Variants in AATF observed in about 807,000 individuals in gnomAD.
The protein encoded by AATF is protein AATF.
Under a neutral mutation model 63.7 loss-of-function variants are expected in AATF, and 48 were observed. The observed-to-expected ratio is 0.75, with a 90% confidence interval of 0.60 to 0.96. AATF has a LOEUF of 0.96. Among genes scored for constraint, AATF ranks in the 40% least tolerant of loss-of-function variants. AATF has a pLI of 0.00. For synonymous variants in AATF, 258 were observed against 247.7 expected, an observed-to-expected ratio of 1.04 and a Z score of -0.39; for missense variants, 639 against 685.7, an observed-to-expected ratio of 0.93 and a Z score of 0.76.
chr17:36,969,934 T>C (rs1047819532), intron 4 of AATF, among the ~76,000 whole-genome samples: 2 of 152,240 alleles, frequency 1.3e-5, no homozygotes, highest in Admixed American at 6.5e-5. Flanking sequence ...TGGCTTTTGC[T>C]CAGCATAATT....
chr17:36,983,596 C>T (rs941741883), intron 4 of AATF, among the ~76,000 whole-genome samples: 15 of 151,630 alleles, frequency 9.9e-5, no homozygotes, highest in African/African-American at 1.2e-4. Context: ...AGTGATTTGC[C>T]GACCTCGTCC....
At chr17:37,048,039 C>G (rs1456906029) in intron 11 of AATF, among the ~76,000 whole-genome samples, 1 of 152,048 alleles carries the variant, frequency 6.6e-6, no homozygotes, top group Non-Finnish European at 1.5e-5. Flanking sequence ...CTTTCTTTCC[C>G]CTTTACCTCC....
chr17:36,992,485 A>G (rs2071223230), intron 8 of AATF, among the ~76,000 whole-genome samples: 1 of 152,190 alleles, frequency 6.6e-6, no homozygotes, highest in South Asian at 2.1e-4. Flanking sequence ...GACAATCAAA[A>G]ATGTTCCAGT....
At chr17:36,953,930 G>A in intron 4 of AATF, 23 bp downstream of exon 4, 2 of 1,608,988 alleles carry the variant, frequency 1.2e-6, no homozygotes, top group Admixed American at 1.7e-5. Flanking sequence ...ATGTCCTGTT[G>A]GAATACTTAG....
intron 11 of AATF, 89 bp downstream of exon 11, chr17:37,031,774 C>T: frequency 9.7e-7 from 1 of 1,033,270 alleles, no homozygotes. Context: ...TCCATTTCTT[C>T]TTATCAGTTA....
intron 4 of AATF, among the ~76,000 whole-genome samples, chr17:36,979,696 A>G (rs1056379526): frequency 6.6e-5 from 10 of 152,294 alleles, no homozygotes; most frequent in Non-Finnish European, 1.5e-4. Context: ...AGCTTTATTT[A>G]CTTTATACAC....
At chr17:36,983,532 G>A (rs1274005348) in intron 4 of AATF, among the ~76,000 whole-genome samples, 1 of 151,966 alleles carries the variant, frequency 6.6e-6, no homozygotes, top group Non-Finnish European at 1.5e-5. Context: ...TGTATTTTTA[G>A]TAGAGACAGG....
At chr17:37,039,604 C>G (rs923764434) in intron 11 of AATF, among the ~76,000 whole-genome samples, 1 of 152,182 alleles carries the variant, frequency 6.6e-6, no homozygotes. Context: ...TTTGACCCCC[C>G]AGCAGTGCTG....
intron 10 of AATF, among the ~76,000 whole-genome samples, chr17:37,025,980 A>C (rs1156271221): frequency 6.6e-6 from 1 of 152,204 alleles, no homozygotes; most frequent in Non-Finnish European, 1.5e-5. Context: ...CACCTTAACC[A>C]AGTGTTCAAG....
intron 8 of AATF, among the ~76,000 whole-genome samples, chr17:36,991,643 T>A (rs948888441): frequency 6.6e-6 from 1 of 151,346 alleles, no homozygotes; most frequent in Non-Finnish European, 1.5e-5. Flanking sequence ...TGGAGTGCAG[T>A]GGCGCAATCT....
intron 10 of AATF, among the ~76,000 whole-genome samples, chr17:37,023,593 CAG>C (rs1430456253): frequency 2.9e-5 from 4 of 135,972 alleles, no homozygotes; most frequent in African/African-American, 5.4e-5. Context: ...TCTTTTTAAA[CAG>C]AGTTTAAAAA....
intron 4 of AATF, among the ~76,000 whole-genome samples, chr17:36,957,709 C>T (rs1314526063): frequency 6.6e-6 from 1 of 152,148 alleles, no homozygotes; most frequent in Non-Finnish European, 1.5e-5. Flanking sequence ...TTCTCTGGTT[C>T]CTTTTGTATC....
At chr17:37,050,125 A>T (rs2071734901) in intron 11 of AATF, among the ~76,000 whole-genome samples, 1 of 152,036 alleles carries the variant, frequency 6.6e-6, no homozygotes, top group Non-Finnish European at 1.5e-5. Flanking sequence ...GTGCTGCCAC[A>T]GGGAATAGTA....
intron 8 of AATF, among the ~76,000 whole-genome samples, chr17:37,017,954 T>C (rs1270723107): frequency 6.6e-6 from 1 of 152,250 alleles, no homozygotes; most frequent in Non-Finnish European, 1.5e-5. Context: ...ATTGCCACCA[T>C]GCCTCACCTA....
Position 37,012,446 on chromosome 17 carries a change from A to C in AATF, c.1399-6559A>C, listed in dbSNP as rs570945518. ...AAAAATAGATACATTTTCACTAAGAAGTCTTGTGGGAGAGAGAGGGAATTC... is the reference window on the plus strand; with the variant it reads ...AAAAATAGATACATTTTCACTAAGACGTCTTGTGGGAGAGAGAGGGAATTC... On this transcript the variant is annotated intron_variant, in intron 8 of 11. Transcript: ENST00000619387. 3.3e-5 allele frequency among the ~76,000 whole-genome samples: 5 copies of C among 152,328 alleles called. No individual in the cohort carries two copies. The South Asian group carries it at 6.2e-4, about 19-fold the overall frequency.
chr17:37,028,288 C>G (rs2071525700), intron 10 of AATF, among the ~76,000 whole-genome samples: 7 of 151,906 alleles, frequency 4.6e-5, no homozygotes, highest in Admixed American at 4.6e-4. Flanking sequence ...CATGGTGGCG[C>G]ACACCTCTAG....
intron 10 of AATF, 126 bp downstream of exon 10, chr17:37,021,140 C>A: frequency 1.5e-6 from 1 of 686,288 alleles, no homozygotes; most frequent in Non-Finnish European, 2.3e-6. Flanking sequence ...GAAAAATAAA[C>A]AATATTTGAA....
At chr17:36,956,528 C>T (rs1052490637) in intron 4 of AATF, among the ~76,000 whole-genome samples, 3 of 151,950 alleles carry the variant, frequency 2.0e-5, no homozygotes, top group African/African-American at 7.3e-5. Flanking sequence ...CAAAAATTAG[C>T]CAAGTGTGGT....
intron 4 of AATF, among the ~76,000 whole-genome samples, chr17:36,970,728 G>C (rs2071032879): frequency 6.6e-6 from 1 of 151,706 alleles, no homozygotes; most frequent in African/African-American, 2.4e-5. Context: ...TTTTCTTAGA[G>C]ATGAGGTCTT....
Sources: allele counts gnomAD v4.1 joint callset (sites outside exome capture counted in the v4.1 genomes callset), GRCh38; gene constraint gnomAD v4.1.1; transcripts MANE v1.5; gene names NCBI Gene and HGNC (gene_info 2026-07-23, HGNC 2026-07-21).